MATN1: variants seen among roughly 807,000 people sequenced by gnomAD.
MATN1 encodes the protein matrilin-1.
MATN1 carries 34 observed loss-of-function variants against 41.3 expected under a neutral mutation model. The ratio of observed to expected loss-of-function variants is 0.82; its 90% CI spans 0.63 to 1.10. The LOEUF is 1.10. MATN1 is among the 50% of genes least tolerant of loss of function. The pLI is 0.00. For synonymous variants in MATN1, 264 were observed against 278.7 expected (o/e 0.95, Z 0.53); for missense variants, 602 against 662.4 (o/e 0.91, Z 1.00).
intron 6 of MATN1, among the ~76,000 whole-genome samples, 197 bp from the exon 7 acceptor site, chr1:30,714,524 C>T (rs975775666): frequency 3.3e-5 from 5 of 152,178 alleles, no homozygotes; most frequent in Admixed American, 6.5e-5. Context: ...GACCCCTGAA[C>T]GTCTTCCTGG....
At position 30,713,394 on chromosome 1, in the gene MATN1, CACACACAT is replaced by C; in HGVS notation, c.*180_*187del. The C allele has an allele frequency of 1.6e-6, 1 of 627,342 alleles. No homozygotes were observed. The highest frequency in any genetic ancestry group is 2.9e-6 in the Non-Finnish European group (1 of 341,162). The allele number at this position is 627,342 out of a possible 1,614,324, so 38.9% of individuals were successfully genotyped here. Reference sequence around the variant, plus strand: ...GCGCACGTGCACACACACACACACACACACACATGCACACATACACACACGCACACATA... The same window carrying C: ...GCGCACGTGCACACACACACACACACGCACACATACACACACGCACACATA... On this transcript the variant is annotated 3_prime_UTR_variant, in exon 8 of 8. Transcript: ENST00000373765.
chr1:30,718,801 C>T lies in MATN1; in HGVS notation c.598G>A (p.Val200Ile), dbSNP rs763252668. The T allele has an allele frequency of 1.9e-6, 3 of 1,610,702 alleles. No homozygotes were observed. Among genetic ancestry groups the T allele is most frequent in the Non-Finnish European group, 2.5e-6 (3 of 1,178,790 alleles). The change falls in exon 3 of 8, where the codon GTC becomes ATC. Residue 200 changes from valine to isoleucine, a missense_variant. Physicochemically the swap from Val to Ile is conservative, Grantham distance 29. Transcript: ENST00000373765. ...ACGCTGTAGCTCTCCACGTAATCGA[C>T]GTGTTCGTCCTGCGGCTCGCTGGCG... Reference protein sequence around the residue: ...QIASEPQDEHVDYVESYSVIE... With the variant: ...QIASEPQDEHIDYVESYSVIE...
At chr1:30,720,781 G>T (rs1385792851) in intron 2 of MATN1, 1 of 152,720 alleles carries the variant, frequency 6.5e-6, no homozygotes, top group Non-Finnish European at 1.5e-5. Context: ...TACAAGTCCT[G>T]GGAAACGCTC....
At chr1:30,719,213 G>T in intron 2 of MATN1, 1 of 461,562 alleles carries the variant, frequency 2.2e-6, no homozygotes, top group South Asian at 4.0e-5. Context: ...ATGCCCCATC[G>T]CCAAATTGGG....
intron 2 of MATN1, chr1:30,719,201 T>G: frequency 2.1e-6 from 1 of 474,102 alleles, no homozygotes; most frequent in Non-Finnish European, 3.7e-6. Context: ...CGGAGGGATG[T>G]GATGCCCCAT....
rs1334677084 is a variant in MATN1, at chr1:30,712,807, T to A, written c.*775A>T. 1 of 152,282 alleles carries A rather than the reference T, an allele frequency of 6.6e-6. No homozygotes were observed. Among genetic ancestry groups the A allele is most frequent in the Non-Finnish European group, 1.5e-5 (1 of 68,096 alleles). The allele number at this position is 152,282 out of a possible 1,614,324, so 9.4% of individuals were successfully genotyped here. ...GTCCTATCTGGTGTCATTGCCCTTT[T>A]TCTCTGAAGCCTTTTTCTTTTGATG... On this transcript the variant is annotated 3_prime_UTR_variant, in exon 8 of 8. Transcript: ENST00000373765.
Position 30,716,824 on chromosome 1 carries a change from G to GGAA in MATN1, c.755_756insTTC (p.Gly252_Phe253insSer). On this transcript the variant is annotated inframe_insertion, in exon 4 of 8. Transcript: ENST00000373765. ...TCTTGCCGTCGCTGTTCAGAGTGAAGCCCTCGTGGCAGGCGCAGGTGTAGG... is the reference window on the plus strand; with the variant it reads ...TCTTGCCGTCGCTGTTCAGAGTGAAGGAACCCTCGTGGCAGGCGCAGGTGTAGG... The GGAA allele has an allele frequency of 6.2e-7, 1 of 1,614,000 alleles. No individual in the cohort carries two copies. The highest frequency in any genetic ancestry group is 2.2e-5 in the East Asian group (1 of 44,886).
At chr1:30,718,386 A>T in intron 3 of MATN1, 1 of 188,510 alleles carries the variant, frequency 5.3e-6, no homozygotes, top group Non-Finnish European at 9.9e-6. Context: ...CCTGGCACTG[A>T]CTGTCTCCGT....
At chr1:30,716,957 C>T (rs754349015) in intron 3 of MATN1, 42 bp from the exon 4 acceptor site, 4 of 1,579,688 alleles carry the variant, frequency 2.5e-6, no homozygotes, top group Non-Finnish European at 2.6e-6. Flanking sequence ...AGTCATAGTG[C>T]CTTGGGCACT....
chr1:30,713,656 G>A (rs1163738860), intron 7 of MATN1, 25 bp from the exon 8 acceptor site: 2 of 1,551,726 alleles, frequency 1.3e-6, no homozygotes, highest in Non-Finnish European at 8.7e-7. Flanking sequence ...AAGGAGAGGT[G>A]CAGGTTGGCC....
At position 30,721,706 on chromosome 1, in the gene MATN1, TCGA is replaced by T; in HGVS notation, c.137_139del (p.Val46del). On this transcript the variant is annotated inframe_deletion, in exon 2 of 8. Coordinates refer to ENST00000373765, the MANE Select transcript of MATN1 (RefSeq NM_002379.3). ...AACAGGCCGAACGCTGCGAGAGCTGTCGACAACAAACACCAGGTCTGTGGGCCG... is the reference window on the plus strand; with the variant it reads ...AACAGGCCGAACGCTGCGAGAGCTGTCAACAAACACCAGGTCTGTGGGCCG... 1 of 1,612,944 alleles carries T rather than the reference TCGA, an allele frequency of 6.2e-7. No homozygotes were observed. The highest frequency in any genetic ancestry group is 8.5e-7 in the Non-Finnish European group (1 of 1,180,000).
intron 2 of MATN1, chr1:30,719,656 T>C: frequency 6.5e-6 from 1 of 152,976 alleles, no homozygotes; most frequent in Non-Finnish European, 1.5e-5. Flanking sequence ...AAGAAAGAGG[T>C]GGCGGACTCT....
intron 2 of MATN1, chr1:30,719,691 C>G (rs933991738): frequency 6.5e-6 from 1 of 153,246 alleles, no homozygotes; most frequent in Non-Finnish European, 1.5e-5. Context: ...GCTTCGTGAC[C>G]CCCTGTCTGC....
chr1:30,714,059 AG>A, intron 7 of MATN1, 187 bp downstream of exon 7: 1 of 608,706 alleles, frequency 1.6e-6, no homozygotes, highest in Non-Finnish European at 3.0e-6. Context: ...TTTACCTTCT[AG>A]GAGTCTCTGC....
In MATN1 at chr1:30,716,263, T is replaced by C; in HGVS notation, c.853A>G (p.Ser285Gly). The C allele has an allele frequency of 6.2e-7, 1 of 1,614,100 alleles. No homozygotes were observed. The highest frequency in any genetic ancestry group is 8.5e-7 in the Non-Finnish European group (1 of 1,180,022). ...DLVFLIDGSK[S>G]VRPENFELVK... is the part of the protein sequence containing the mutation. ...AGCTCAAAGTTCTCTGGCCTCACACTCTTGGATCCGTCAATGAGGAAGACC... is the reference window on the plus strand; with the variant it reads ...AGCTCAAAGTTCTCTGGCCTCACACCCTTGGATCCGTCAATGAGGAAGACC... Residue 285 changes from serine (S) to glycine (G), a missense_variant, in exon 5 of 8, where the codon AGT (serine) becomes GGT (glycine). Ser to Gly is a moderately conservative substitution (Grantham distance 56, BLOSUM62 0). Coordinates refer to ENST00000373765, the MANE Select transcript of MATN1 (RefSeq NM_002379.3).
chr1:30,720,950 G>A (rs1219978242), intron 2 of MATN1: 1 of 161,792 alleles, frequency 6.2e-6, no homozygotes, highest in Non-Finnish European at 1.3e-5. Context: ...ACTTGGAGAA[G>A]GTGTTATCAT....
In MATN1 at chr1:30,711,693, G is replaced by A. The variant is rs1309458285; in HGVS notation, c.*1889C>T. 1 of 152,340 alleles carries A rather than the reference G, an allele frequency of 6.6e-6. No individual in the cohort carries two copies. The highest frequency in any genetic ancestry group is 2.4e-5 in the African/African-American group (1 of 41,430). The allele number at this position is 152,340 out of a possible 1,614,324, so 9.4% of individuals were successfully genotyped here. The stretch of plus-strand genomic sequence containing the variant: ...TGTTGCTTCTGCCCGCCAGCTCCCA[G>A]GCCATGGCGTCCGCTAATGACCCTC... On this transcript the variant is annotated 3_prime_UTR_variant, in exon 8 of 8. Transcript: ENST00000373765.
intron 4 of MATN1, 33 bp downstream of exon 4, chr1:30,716,757 T>A (rs1220196169): frequency 1.2e-6 from 2 of 1,609,426 alleles, no homozygotes; most frequent in Admixed American, 3.3e-5. Context: ...CTCCACACCC[T>A]CTCCAGGGCG....
At chr1:30,717,651 T>TC (rs1557450728) in intron 3 of MATN1, among the ~76,000 whole-genome samples, 1 of 86,174 alleles carries the variant, frequency 1.2e-5, no homozygotes, top group East Asian at 2.5e-4. Flanking sequence ...GGTTTTTTTT[T>TC]TTGTTTTGTT....
Sources: allele counts gnomAD v4.1 joint callset (sites outside exome capture counted in the v4.1 genomes callset), GRCh38; gene constraint gnomAD v4.1.1; transcripts MANE v1.5; gene names NCBI Gene and HGNC (gene_info 2026-07-23, HGNC 2026-07-21).